Variants in DBNDD1 observed in about 807,000 individuals in gnomAD.
DBNDD1 encodes the protein dysbindin domain-containing protein 1.
DBNDD1 carries 14 observed loss-of-function variants against 17.0 expected under a neutral mutation model. That is an observed-to-expected ratio of 0.82 (90% confidence interval 0.54 to 1.29). DBNDD1 has a LOEUF of 1.29. Among genes scored for constraint, DBNDD1 ranks in the 50% most tolerant of loss-of-function variants. DBNDD1 has a pLI of 0.00. For synonymous variants in DBNDD1, 105 were observed against 102.0 expected, an observed-to-expected ratio of 1.03 and a Z score of -0.18; for missense variants, 221 against 216.2, an observed-to-expected ratio of 1.02 and a Z score of -0.14.
Position 90,006,114 on chromosome 16 carries a change from C to T in DBNDD1, c.*221G>A. 3.1e-6 allele frequency: 2 copies of T among 645,356 alleles called. No individual in the cohort carries two copies. The highest frequency in any genetic ancestry group is 1.8e-5 in the African/African-American group (1 of 55,204). The allele number at this position is 645,356 out of a possible 1,614,324, so 40.0% of individuals were successfully genotyped here. On this transcript the variant is annotated 3_prime_UTR_variant, in exon 4 of 4. Transcript: ENST00000002501. The stretch of plus-strand genomic sequence containing the variant: ...AGAGGCATCCGGGGGCCCCGTGTGT[C>T]CCCCAGGAAAGCCGGCTGGTCTCCA...
chr16:90,013,364 C>T (rs1476167380), intron 1 of DBNDD1, among the ~76,000 whole-genome samples: 1 of 151,220 alleles, frequency 6.6e-6, no homozygotes, highest in Non-Finnish European at 1.5e-5. Context: ...ACCCTAACTC[C>T]CAGCTACATG....
intron 1 of DBNDD1, among the ~76,000 whole-genome samples, chr16:90,016,912 G>GC (rs1338556298): frequency 6.6e-6 from 1 of 152,188 alleles, no homozygotes; most frequent in African/African-American, 2.4e-5. Context: ...GGGGCCACCT[G>GC]CCCCCCATCC....
intron 3 of DBNDD1, chr16:90,007,463 G>T (rs1312713493): frequency 2.0e-5 from 3 of 152,330 alleles, no homozygotes; most frequent in African/African-American, 7.2e-5. Context: ...CAGAGACTGA[G>T]GACGCGCTGT....
In DBNDD1 at chr16:90,006,035, C is replaced by T. The variant is rs1597575192; in HGVS notation, c.*300G>A. 1.2e-5 allele frequency: 4 copies of T among 320,294 alleles called. No individual in the cohort carries two copies. The East Asian group carries it at 2.0e-4, about 16-fold the overall frequency. The allele number at this position is 320,294 out of a possible 1,614,324, so 19.8% of individuals were successfully genotyped here. Reference sequence around the variant, plus strand: ...GTGACGCTGTCTTCCTGACTCGGGGCCCAGGAACGAGCTGGACGTAAGGCC... The same window carrying T: ...GTGACGCTGTCTTCCTGACTCGGGGTCCAGGAACGAGCTGGACGTAAGGCC... On this transcript the variant is annotated 3_prime_UTR_variant, in exon 4 of 4. Transcript: ENST00000002501.
chr16:90,014,420 G>T (rs12920128), intron 1 of DBNDD1, among the ~76,000 whole-genome samples: 9 of 151,890 alleles, frequency 5.9e-5, no homozygotes, highest in Non-Finnish European at 8.8e-5. Flanking sequence ...CCACCGTGCC[G>T]GGCCAATACC....
intron 1 of DBNDD1, among the ~76,000 whole-genome samples, chr16:90,013,262 TAAAAAAAAA>T (rs59831191): frequency 2.0e-5 from 1 of 49,182 alleles, no homozygotes; most frequent in East Asian, 2.9e-4. Context: ...AACCTTGCCT[TAAAAAAAAA>T]AAAAAAAAAA....
In DBNDD1 at chr16:90,017,901, T is replaced by C. The variant is rs1439756717; in HGVS notation, c.31+1410A>G. On this transcript the variant is annotated intron_variant, in intron 1 of 3. Transcript: ENST00000002501. ...CTGTAGGTAAATACCTGTGCACTGA[T>C]TGAGTCAGGTGTCTGAAGCCCCCAG... 2.6e-5 allele frequency among the ~76,000 whole-genome samples: 4 copies of C among 152,248 alleles called. No individual in the cohort carries two copies. The East Asian group carries it at 7.7e-4, about 29-fold the overall frequency.
chr16:90,019,827 C>A, upstream of DBNDD1: 1 of 686,196 alleles, frequency 1.5e-6, no homozygotes, highest in Non-Finnish European at 2.6e-6. This position sits in a 1 kb window ranked among gnomAD's most constrained non-coding sequence, Gnocchi z 6.1. Flanking sequence ...GCGAGGGGCA[C>A]AGGAGGGGCC....
chr16:90,014,075 G>C (rs1461943039), intron 1 of DBNDD1, among the ~76,000 whole-genome samples: 1 of 152,094 alleles, frequency 6.6e-6, no homozygotes, highest in Non-Finnish European at 1.5e-5. Context: ...AGAAGCCGTT[G>C]AAGGGTTTTG....
intron 1 of DBNDD1, among the ~76,000 whole-genome samples, chr16:90,013,261 T>TAAAAAAAAAAAAAAAAAAAA (rs1567835111): frequency 2.2e-3 from 10 of 4,496 alleles, no homozygotes; most frequent in Non-Finnish European, 3.9e-3. Flanking sequence ...AAACCTTGCC[T>TAAAAAAAAAAAAAAAAAAAA]TAAAAAAAAA....
chr16:90,009,924 A>G, intron 1 of DBNDD1: 1 of 1,600,256 alleles, frequency 6.2e-7, no homozygotes. Context: ...TGAGTTCAGA[A>G]TAATACATTC....
intron 1 of DBNDD1, among the ~76,000 whole-genome samples, chr16:90,014,649 C>T (rs1271836292): frequency 6.6e-6 from 1 of 152,192 alleles, no homozygotes; most frequent in African/African-American, 2.4e-5. Flanking sequence ...GGACAAAGCT[C>T]TAGCCCTGTG....
In DBNDD1 at chr16:90,009,273, G is replaced by A. The variant is rs1455999621; in HGVS notation, c.178+11C>T. 2 of 1,612,756 alleles carry A rather than the reference G, an allele frequency of 1.2e-6. No homozygotes were observed. The highest frequency in any genetic ancestry group is 2.2e-5 in the South Asian group (2 of 91,084). ...CCCCATAGCGTGCGCTGGGCAGGGA[G>A]CAGTACTTACGCCTCCTCTCCGTGA... On this transcript the variant is annotated intron_variant, in intron 2 of 3. Coordinates refer to ENST00000002501, the MANE Select transcript of DBNDD1 (RefSeq NM_001042610.3).
In DBNDD1 at chr16:90,005,182, G is replaced by C. The variant is rs1400985290; in HGVS notation, c.*1153C>G. 1 of 152,374 alleles carries C rather than the reference G, an allele frequency of 6.6e-6. No homozygotes were observed. Among genetic ancestry groups the C allele is most frequent in the African/African-American group, 2.4e-5 (1 of 41,462 alleles). 9.4% of individuals were successfully genotyped at this position (152,374 alleles called of 1,614,324 possible). ...TGGGGCATCTCCAAAGCTCTGCTGAGAGTGAAGGCCAGGAGCCTGTTTTCC... is the reference window on the plus strand; with the variant it reads ...TGGGGCATCTCCAAAGCTCTGCTGACAGTGAAGGCCAGGAGCCTGTTTTCC... On this transcript the variant is annotated 3_prime_UTR_variant, in exon 4 of 4. Transcript: ENST00000002501.
At chr16:90,017,363 C>T (rs550010892) in intron 1 of DBNDD1, among the ~76,000 whole-genome samples, 5 of 152,092 alleles carry the variant, frequency 3.3e-5, no homozygotes, top group East Asian at 1.9e-4. Context: ...GGTGTGGTGG[C>T]GGGCGCCTGT....
intron 1 of DBNDD1, chr16:90,009,786 A>G (rs1343053323): frequency 1.4e-6 from 1 of 722,042 alleles, no homozygotes; most frequent in Non-Finnish European, 2.3e-6. Flanking sequence ...TCTGATTTCT[A>G]GCTCGGCCCA....
intron 1 of DBNDD1, among the ~76,000 whole-genome samples, chr16:90,018,459 C>T (rs938374390): frequency 6.6e-5 from 10 of 152,216 alleles, no homozygotes; most frequent in African/African-American, 2.4e-4. Flanking sequence ...GGCTGGCCTG[C>T]CTGTGCCCTC....
At chr16:90,006,596 C>G (rs2035432862) in intron 3 of DBNDD1, 104 bp from the exon 4 acceptor site, 1 of 1,404,892 alleles carries the variant, frequency 7.1e-7, no homozygotes, top group Non-Finnish European at 9.6e-7. Context: ...TGCCAATGCT[C>G]TGCACCAGCC....
chr16:90,007,961 G>T (rs1479216216), intron 3 of DBNDD1, among the ~76,000 whole-genome samples: 1 of 149,570 alleles, frequency 6.7e-6, no homozygotes, highest in Admixed American at 6.6e-5. Context: ...TTCCCAAGGG[G>T]CCTCACCCCC....
Sources: gnomAD v4.1 joint callset for allele counts (sites outside exome capture counted in the v4.1 genomes callset) on GRCh38, gnomAD v4.1.1 for gene constraint, Gnocchi (gnomAD v3.1) non-coding constraint, MANE v1.5 for transcripts, NCBI Gene and HGNC (gene_info 2026-07-23, HGNC 2026-07-21) for gene names.